The following SRP9 variants were observed in gnomAD, a reference collection of about 807,000 sequenced individuals.
SRP9 encodes the protein signal recognition particle 9, also known as signal recognition particle 9 kDa protein.
SRP9 carries 2 observed loss-of-function variants against 11.7 expected under a neutral mutation model. The ratio of observed to expected loss-of-function variants is 0.17; its 90% CI spans 0.07 to 0.54. SRP9 has a LOEUF of 0.54. SRP9 is among the 20% of genes least tolerant of loss of function. SRP9 has a pLI of 0.94. For missense variants in SRP9, 54 were observed against 108.1 expected (o/e 0.50, Z 2.22); for synonymous variants, 27 against 35.6 (o/e 0.76, Z 0.86).
intron 2 of SRP9, 68 bp downstream of exon 2, chr1:225,783,436 T>C (rs1665837637): frequency 7.5e-7 from 1 of 1,330,060 alleles, no homozygotes; most frequent in South Asian, 1.2e-5. Flanking sequence ...TTTGAAATTA[T>C]TTACTTAGAG....
chr1:225,786,598 G>C (rs920069535), intron 2 of SRP9, among the ~76,000 whole-genome samples: 16 of 152,162 alleles, frequency 1.1e-4, no homozygotes, highest in African/African-American at 2.9e-4. Flanking sequence ...TGTGGAAAAG[G>C]AAGAGTGAAT....
intron 1 of SRP9, among the ~76,000 whole-genome samples, chr1:225,780,766 C>T (rs1665778840): frequency 6.6e-6 from 1 of 152,228 alleles, no homozygotes; most frequent in Non-Finnish European, 1.5e-5. Flanking sequence ...CTCCGCAACA[C>T]ATTTAACCTG....
rs1242777878 is a variant in SRP9, at chr1:225,789,714, T to C, written c.*355T>C. 1 of 188,838 alleles carries C rather than the reference T, an allele frequency of 5.3e-6. No individual in the cohort carries two copies. Among genetic ancestry groups the C allele is most frequent in the African/African-American group, 2.4e-5 (1 of 41,904 alleles). 11.7% of individuals were successfully genotyped at this position (188,838 alleles called of 1,614,324 possible). On this transcript the variant is annotated 3_prime_UTR_variant, in exon 3 of 3. Transcript: ENST00000304786. ...CTTCTTAAATTTAGTTCATCTTTCT[T>C]TAAAAGAACATTAAATGTAACCATT...
At chr1:225,780,912 G>C (rs16845286) in intron 1 of SRP9, among the ~76,000 whole-genome samples, 2,396 of 152,220 alleles carry the variant, frequency 0.016, 61 homozygotes, top group African/African-American at 0.055. Flanking sequence ...TGCCACAACT[G>C]TCTAAAAAAC....
rs772072925 is a variant in SRP9, at chr1:225,777,947, C to G, written c.7C>G (p.Gln3Glu). 1 of 1,614,070 alleles carries G rather than the reference C, an allele frequency of 6.2e-7. No homozygotes were observed. Among genetic ancestry groups the G allele is most frequent in the Non-Finnish European group, 8.5e-7 (1 of 1,179,910 alleles). Reference sequence around the variant, plus strand: ...TTTTCCACTCTAGGCCACGATGCCGCAGTACCAGACCTGGGAGGAGTTCAG... The same window carrying G: ...TTTTCCACTCTAGGCCACGATGCCGGAGTACCAGACCTGGGAGGAGTTCAG... The part of the protein sequence containing the change: MP[Q>E]YQTWEEFSRA... The change falls in exon 1 of 3, where the codon CAG becomes GAG. Residue 3 changes from glutamine to glutamate, a missense_variant. Transcript: ENST00000304786.
At chr1:225,779,857 C>T (rs1665759584) in intron 1 of SRP9, among the ~76,000 whole-genome samples, 3 of 152,050 alleles carry the variant, frequency 2.0e-5, no homozygotes, top group Admixed American at 1.3e-4. Flanking sequence ...TCCAGAAGTA[C>T]CCACAGTATA....
chr1:225,782,465 A>T (rs1339468442), intron 1 of SRP9, among the ~76,000 whole-genome samples: 1 of 152,176 alleles, frequency 6.6e-6, no homozygotes, highest in African/African-American at 2.4e-5. Flanking sequence ...CGCCTGGCCG[A>T]TACTTAGCAG....
At chr1:225,788,903 T>TAATACCTAATTCGAAGGAAGAA (rs1665968639) in intron 2 of SRP9, 1 of 1,191,948 alleles carries the variant, frequency 8.4e-7, no homozygotes. Context: ...GGAGATAATC[T>TAATACCTAATTCGAAGGAAGAA]AATACCTAAT....
chr1:225,779,743 C>T (rs1485867858), intron 1 of SRP9, among the ~76,000 whole-genome samples: 1 of 152,110 alleles, frequency 6.6e-6, no homozygotes, highest in Admixed American at 6.6e-5. Flanking sequence ...TTGTTTATAA[C>T]ACTGGTGACT....
At chr1:225,780,043 A>C (rs1464087400) in intron 1 of SRP9, among the ~76,000 whole-genome samples, 1 of 152,204 alleles carries the variant, frequency 6.6e-6, no homozygotes, top group African/African-American at 2.4e-5. Flanking sequence ...CCCAGTCAGA[A>C]AATTGCAGTT....
chr1:225,785,590 C>A (rs1252496973), intron 2 of SRP9, among the ~76,000 whole-genome samples: 2 of 151,908 alleles, frequency 1.3e-5, no homozygotes, highest in African/African-American at 4.8e-5. Context: ...CCCTGTTAGC[C>A]AGGATGGTCT....
intron 1 of SRP9, among the ~76,000 whole-genome samples, chr1:225,778,839 A>G (rs1212974798): frequency 6.6e-6 from 1 of 152,186 alleles, no homozygotes; most frequent in Non-Finnish European, 1.5e-5. Context: ...TATTGAAGGG[A>G]TTTTATACTG....
intron 2 of SRP9, among the ~76,000 whole-genome samples, chr1:225,785,096 G>A (rs543865963): frequency 9.8e-4 from 149 of 151,890 alleles, no homozygotes; most frequent in African/African-American, 3.5e-3. Flanking sequence ...CTATTTAGAC[G>A]GAGTCTCGCT....
intron 2 of SRP9, among the ~76,000 whole-genome samples, chr1:225,785,686 T>TA (rs1665895133): frequency 6.6e-6 from 1 of 151,082 alleles, no homozygotes; most frequent in Admixed American, 6.6e-5. Flanking sequence ...GGACTTTTTT[T>TA]TTTTTTTTTT....
At chr1:225,778,918 T>C (rs1365236328) in intron 1 of SRP9, among the ~76,000 whole-genome samples, 1 of 152,238 alleles carries the variant, frequency 6.6e-6, no homozygotes, top group Non-Finnish European at 1.5e-5. Context: ...GTTATCTCTT[T>C]TATGCTGCAT....
At chr1:225,779,883 A>G (rs1474878789) in intron 1 of SRP9, among the ~76,000 whole-genome samples, 1 of 152,238 alleles carries the variant, frequency 6.6e-6, no homozygotes, top group Non-Finnish European at 1.5e-5. Context: ...AAAATACTTG[A>G]GACAACAGTA....
chr1:225,788,290 G>A (rs1341313432), intron 2 of SRP9, among the ~76,000 whole-genome samples: 1 of 152,122 alleles, frequency 6.6e-6, no homozygotes, highest in East Asian at 1.9e-4. Context: ...AGCTACTCAG[G>A]AAGCTGAGGA....
chr1:225,782,237 C>G (rs926027286), intron 1 of SRP9, among the ~76,000 whole-genome samples: 3 of 152,138 alleles, frequency 2.0e-5, no homozygotes, highest in Non-Finnish European at 2.9e-5. Context: ...GATCTCGGCT[C>G]ACTGCAAGCT....
Position 225,786,130 on chromosome 1 carries a change from T to C in SRP9, c.141+2762T>C, listed in dbSNP as rs1665904995. ...TGTGCTGTGATGTGTTAGGCCTCAG[T>C]GCTTTCAAACATTCTGTTTCCTCCT... On this transcript the variant is annotated intron_variant, in intron 2 of 2. Coordinates refer to ENST00000304786, the MANE Select transcript of SRP9 (RefSeq NM_003133.6). 2.0e-5 allele frequency among the ~76,000 whole-genome samples: 3 copies of C among 152,260 alleles called. No homozygotes were observed. The South Asian group carries it at 6.2e-4, about 31-fold the overall frequency.
Sources: gnomAD v4.1 joint callset for allele counts (sites outside exome capture counted in the v4.1 genomes callset) on GRCh38, gnomAD v4.1.1 for gene constraint, MANE v1.5 for transcripts, NCBI Gene and HGNC (gene_info 2026-07-23, HGNC 2026-07-21) for gene names.